Variants in FHIT observed in about 807,000 individuals in gnomAD.
The protein encoded by FHIT is fragile histidine triad diadenosine triphosphatase.
FHIT carries 19 observed loss-of-function variants against 17.9 expected under a neutral mutation model. The ratio of observed to expected loss-of-function variants is 1.06; its 90% CI spans 0.74 to 1.56. The LOEUF (loss-of-function observed/expected upper bound fraction) is 1.56. Among genes scored for constraint, FHIT ranks in the 40% most tolerant of loss-of-function variants. The probability of loss-of-function intolerance (pLI) is 0.00; values close to 1 mark genes in which losing one functional copy is unlikely to be tolerated. For synonymous variants in FHIT, 81 were observed against 69.7 expected (o/e 1.16, Z -0.81); for missense variants, 248 against 189.2 (o/e 1.31, Z -1.82).
chr3:60,388,527 G>A (rs1701101492), intron 5 of FHIT, among the ~76,000 whole-genome samples: 1 of 152,146 alleles, frequency 6.6e-6, no homozygotes, highest in African/African-American at 2.4e-5. Context: ...CATAAGCCCA[G>A]GAGGTGGAGG....
intron 4 of FHIT, among the ~76,000 whole-genome samples, chr3:60,627,335 C>T (rs1425595822): frequency 1.3e-5 from 2 of 152,100 alleles, no homozygotes; most frequent in African/African-American, 4.8e-5. Context: ...AATATATATT[C>T]AGTCTTTTTA....
intron 5 of FHIT, among the ~76,000 whole-genome samples, chr3:60,342,662 GA>G (rs1710583738): frequency 6.6e-6 from 1 of 152,098 alleles, no homozygotes. Flanking sequence ...CACAGAAAGA[GA>G]AAAAACTTTG....
At position 61,167,577 on chromosome 3, in the gene FHIT, T is replaced by G. The variant is rs369388324; in HGVS notation, c.-164+33040A>C. On this transcript the variant is annotated intron_variant, in intron 2 of 9. Coordinates refer to ENST00000492590, the MANE Select transcript of FHIT (RefSeq NM_002012.4). ...CTGGGAGGCAGAGGTTGCAGTGAGC[T>G]GAGACTGCACCACTGCACTCCAGCC... 2.9e-5 allele frequency among the ~76,000 whole-genome samples: 4 copies of G among 138,268 alleles called. No homozygotes were observed. In the East Asian group the frequency reaches 8.4e-4, roughly 29 times the overall value. The allele number at this position is 138,268 out of a possible 152,430, so 90.7% of individuals were successfully genotyped here. A position where few individuals can be genotyped will look rare whatever the true frequency, so the allele number is the denominator to read the frequency against.
intron 7 of FHIT, among the ~76,000 whole-genome samples, chr3:60,009,159 GATTTT>G (rs1700034416): frequency 7.7e-6 from 1 of 130,324 alleles, no homozygotes; most frequent in African/African-American, 2.9e-5. Flanking sequence ...TGTTCTCTGG[GATTTT>G]ATGTGTGTGT....
At chr3:60,356,224 A>G (rs1359520585) in intron 5 of FHIT, among the ~76,000 whole-genome samples, 2 of 152,230 alleles carry the variant, frequency 1.3e-5, no homozygotes, top group African/African-American at 4.8e-5. Flanking sequence ...ACGCTGCAAA[A>G]GTAACCGAGC....
chr3:61,202,246 C>T (rs559826069), intron 1 of FHIT, among the ~76,000 whole-genome samples: 21 of 151,758 alleles, frequency 1.4e-4, no homozygotes, highest in African/African-American at 4.6e-4. Context: ...CGCCTCTGCC[C>T]GGCCGCCCAA....
At chr3:59,940,820 T>G (rs185154988) in intron 7 of FHIT, among the ~76,000 whole-genome samples, 3 of 152,306 alleles carry the variant, frequency 2.0e-5, no homozygotes, top group Admixed American at 2.0e-4. Flanking sequence ...CTGGCACCAT[T>G]AGAAAATGCC....
intron 5 of FHIT, among the ~76,000 whole-genome samples, chr3:60,095,779 T>G (rs1248360274): frequency 6.6e-6 from 1 of 152,196 alleles, no homozygotes; most frequent in Non-Finnish European, 1.5e-5. Flanking sequence ...AAAAGGACCA[T>G]TCTAGTTGGC....
chr3:60,537,659 G>T (rs1038942906), intron 4 of FHIT, among the ~76,000 whole-genome samples: 3 of 152,146 alleles, frequency 2.0e-5, no homozygotes, highest in Non-Finnish European at 2.9e-5. Context: ...GGAAAGCCAT[G>T]GGGGGCCGGG....
At chr3:61,226,791 A>G (rs940195566) in intron 1 of FHIT, among the ~76,000 whole-genome samples, 1 of 152,208 alleles carries the variant, frequency 6.6e-6, no homozygotes, top group Non-Finnish European at 1.5e-5. Context: ...TACTGTTCCC[A>G]TATACCCTTA....
intron 3 of FHIT, among the ~76,000 whole-genome samples, chr3:60,873,814 G>A (rs1480835389): frequency 6.6e-6 from 1 of 152,156 alleles, no homozygotes; most frequent in Non-Finnish European, 1.5e-5. Flanking sequence ...CAGAGAGTAT[G>A]TTTCAACAGC....
intron 2 of FHIT, among the ~76,000 whole-genome samples, chr3:61,158,411 C>T (rs934733304): frequency 3.3e-5 from 5 of 152,090 alleles, no homozygotes; most frequent in African/African-American, 1.2e-4. Flanking sequence ...CGCAGGCCAC[C>T]AGAAGCAGAA....
chr3:61,149,657 G>T (rs1276458172), intron 2 of FHIT, among the ~76,000 whole-genome samples: 1 of 151,976 alleles, frequency 6.6e-6, no homozygotes, highest in Non-Finnish European at 1.5e-5. Flanking sequence ...ATGGGAGGAT[G>T]GCTTGAGCCC....
At chr3:61,096,590 C>T (rs1021474897) in intron 2 of FHIT, among the ~76,000 whole-genome samples, 1 of 152,156 alleles carries the variant, frequency 6.6e-6, no homozygotes, top group African/African-American at 2.4e-5. Context: ...TATGGATGAA[C>T]AACTGTCTGG....
intron 5 of FHIT, among the ~76,000 whole-genome samples, chr3:60,435,248 T>G (rs748296553): frequency 6.6e-6 from 1 of 152,094 alleles, no homozygotes; most frequent in African/African-American, 2.4e-5. Flanking sequence ...ACATTTGTAA[T>G]AGAAAAAGTA....
At chr3:60,726,951 A>G (rs2041929168) in intron 4 of FHIT, among the ~76,000 whole-genome samples, 1 of 152,206 alleles carries the variant, frequency 6.6e-6, no homozygotes, top group Admixed American at 6.5e-5. Context: ...GAGTCTTTTT[A>G]CACTAGGCAA....
intron 8 of FHIT, among the ~76,000 whole-genome samples, chr3:59,797,189 A>G (rs964227983): frequency 6.9e-6 from 1 of 145,114 alleles, no homozygotes. Flanking sequence ...TGATATTACA[A>G]TTTTTTTTTT....
chr3:59,903,088 C>T (rs370589435), intron 8 of FHIT, among the ~76,000 whole-genome samples: 1 of 152,064 alleles, frequency 6.6e-6, no homozygotes, highest in African/African-American at 2.4e-5. Flanking sequence ...GTGAATCATA[C>T]CTTAATCAAG....
At chr3:60,931,027 T>G (rs1319114247) in intron 3 of FHIT, among the ~76,000 whole-genome samples, 15 of 152,190 alleles carry the variant, frequency 9.9e-5, no homozygotes, top group Non-Finnish European at 2.1e-4. Flanking sequence ...TGGAATACTA[T>G]GCAGCCATAA....
Sources: allele counts gnomAD v4.1 joint callset (sites outside exome capture counted in the v4.1 genomes callset), GRCh38; gene constraint gnomAD v4.1.1; transcripts MANE v1.5; gene names NCBI Gene and HGNC (gene_info 2026-07-23, HGNC 2026-07-21).